Variants in GTF3C3 observed in about 807,000 individuals in gnomAD.
GTF3C3 encodes the protein general transcription factor 3C polypeptide 3.
GTF3C3 carries 75 observed loss-of-function variants against 105.2 expected under a neutral mutation model. That is an observed-to-expected ratio of 0.71 (90% CI 0.59 to 0.86). The LOEUF (loss-of-function observed/expected upper bound fraction) is 0.86, where lower values mean the gene tolerates loss of function less well. Among genes scored for constraint, GTF3C3 ranks in the 40% least tolerant of loss-of-function variants. The pLI, the probability that GTF3C3 is intolerant of heterozygous loss-of-function variation, is 0.00. For synonymous variants in GTF3C3, 335 were observed against 370.4 expected, an observed-to-expected ratio of 0.90 and a Z score of 1.10; for missense variants, 856 against 1,076.5, an observed-to-expected ratio of 0.80 and a Z score of 2.87.
chr2:196,769,278 TTTTC>T (rs1375571380), intron 16 of GTF3C3, among the ~76,000 whole-genome samples: 1 of 152,174 alleles, frequency 6.6e-6, no homozygotes, highest in Non-Finnish European at 1.5e-5. Flanking sequence ...CAAGTCAACA[TTTTC>T]TTTCTTTTCT....
In GTF3C3 at chr2:196,778,929, A is replaced by T. The variant is rs1377635087; in HGVS notation, c.1357T>A (p.Tyr453Asn). The change falls in exon 10 of 18, where the codon TAC becomes AAC. Residue 453 changes from tyrosine (Y) to asparagine (N), a missense_variant. This residue lies in a region of GTF3C3 where 605 missense variants were observed against 833.6 expected (regional missense o/e 0.73). Transcript: ENST00000263956. ...CGAAGCCAAACTACTGCAAGGTTGTATCTTTCAGAGCAAACAAGAGCACTG... is the reference window on the plus strand; with the variant it reads ...CGAAGCCAAACTACTGCAAGGTTGTTTCTTTCAGAGCAAACAAGAGCACTG... ...LLSALVCSER[Y>N]NLAVVWLRHA... 5.6e-6 allele frequency: 9 copies of T among 1,614,108 alleles called. No homozygotes were observed. Among genetic ancestry groups the T allele is most frequent in the Non-Finnish European group, 7.6e-6 (9 of 1,179,956 alleles).
chr2:196,797,452 A>G (rs1351663193), intron 2 of GTF3C3, among the ~76,000 whole-genome samples: 1 of 152,226 alleles, frequency 6.6e-6, no homozygotes, highest in African/African-American at 2.4e-5. Flanking sequence ...GCCACTTTAT[A>G]TCGAAGTGTA....
At chr2:196,766,521 A>AGAC in intron 17 of GTF3C3, 44 bp downstream of exon 17, 1 of 1,504,978 alleles carries the variant, frequency 6.6e-7, no homozygotes, top group Non-Finnish European at 9.1e-7. Flanking sequence ...CCTTATCTAC[A>AGAC]GACAGATGAA....
Position 196,763,432 on chromosome 2 carries a change from A to AAATT in GTF3C3, c.*1127_*1130dup, listed in dbSNP as rs1167931460. On this transcript the variant is annotated 3_prime_UTR_variant, in exon 18 of 18. Transcript: ENST00000263956. ...ATTACCTATAAATGGCATAAAGTAA[A>AAATT]AATTAAGCATGTGAAACAGTTAACC... The AAATT allele has an allele frequency of 1.3e-5, 2 of 152,222 alleles. No individual in the cohort carries two copies. Among genetic ancestry groups the AAATT allele is most frequent in the Admixed American group, 6.5e-5 (1 of 15,284 alleles). The allele number at this position is 152,222 out of a possible 1,614,324, so 9.4% of individuals were successfully genotyped here.
chr2:196,774,679 A>G (rs571469832), intron 13 of GTF3C3, among the ~76,000 whole-genome samples: 3 of 152,358 alleles, frequency 2.0e-5, no homozygotes, highest in Non-Finnish European at 2.9e-5. Flanking sequence ...GTAGTCTTTT[A>G]AAGTTATATT....
Position 196,764,510 on chromosome 2 carries a change from G to T in GTF3C3, c.*53C>A. ...ACAAATAATAAGCCCTGAGACAGAAGACACTGGTCCTCACACAGCAGCTGC... is the reference window on the plus strand; with the variant it reads ...ACAAATAATAAGCCCTGAGACAGAATACACTGGTCCTCACACAGCAGCTGC... On this transcript the variant is annotated 3_prime_UTR_variant, in exon 18 of 18. Transcript: ENST00000263956. The T allele has an allele frequency of 6.6e-7, 1 of 1,517,252 alleles. No homozygotes were observed. The highest frequency in any genetic ancestry group is 1.3e-5 in the South Asian group (1 of 76,090). The allele number at this position is 1,517,252 out of a possible 1,614,324, so 94.0% of individuals were successfully genotyped here.
At chr2:196,766,973 T>G (rs985431668) in intron 16 of GTF3C3, 1 of 281,142 alleles carries the variant, frequency 3.6e-6, no homozygotes, top group Non-Finnish European at 6.6e-6. Context: ...TTACCAGAGA[T>G]TCATAATCTA....
In GTF3C3 at chr2:196,773,063, C is replaced by T. The variant is rs371296396; in HGVS notation, c.1922G>A (p.Arg641Gln). The T allele has an allele frequency of 5.6e-6, 9 of 1,612,796 alleles. No homozygotes were observed. The highest frequency in any genetic ancestry group is 1.1e-5 in the South Asian group (1 of 91,006). ...TACAAGCAACTCAGCCTCTTGAAAT[C>T]GGGATAGGTCACATAAGGAGTATAT... is the stretch of plus-strand genomic sequence containing the variant. ...KAIYSLCDLS[R>Q]FQEAELLVDS... The change falls in exon 14 of 18, where the codon CGA (arginine) becomes CAA (glutamine). Residue 641 changes from arginine to glutamine, a missense_variant. This residue lies in a region of GTF3C3 where 605 missense variants were observed against 833.6 expected (regional missense o/e 0.73). Coordinates refer to ENST00000263956, the MANE Select transcript of GTF3C3 (RefSeq NM_012086.5).
chr2:196,789,089 T>C (rs1281431709), intron 6 of GTF3C3, 115 bp downstream of exon 6: 1 of 869,598 alleles, frequency 1.1e-6, no homozygotes, highest in African/African-American at 1.7e-5. Flanking sequence ...ATAAAACACA[T>C]AAGGCAAAAC....
In GTF3C3 at chr2:196,799,652, G is replaced by A. The variant is rs761684822; in HGVS notation, c.-41C>T. 2 of 1,442,272 alleles carry A rather than the reference G, an allele frequency of 1.4e-6. No homozygotes were observed. The highest frequency in any genetic ancestry group is 1.7e-5 in the Admixed American group (1 of 59,404). The allele number at this position is 1,442,272 out of a possible 1,614,324, so 89.3% of individuals were successfully genotyped here. The stretch of plus-strand genomic sequence containing the variant: ...CTGTGCAACCCCAGGAACCGGGACA[G>A]AGAACCGGAAGAGCAGCGCCTTCCA... On this transcript the variant is annotated 5_prime_UTR_variant, in exon 1 of 18. Transcript: ENST00000263956.
At chr2:196,794,714 C>A (rs536627573) in intron 2 of GTF3C3, among the ~76,000 whole-genome samples, 1 of 151,200 alleles carries the variant, frequency 6.6e-6, no homozygotes, top group African/African-American at 2.4e-5. Flanking sequence ...GGATTACAGG[C>A]GTGAGCCACT....
At chr2:196,778,601 G>A (rs1699295546) in intron 10 of GTF3C3, 1 of 317,104 alleles carries the variant, frequency 3.2e-6, no homozygotes, top group Non-Finnish European at 5.8e-6. Flanking sequence ...CCCCAAGTCT[G>A]ACAATCCTTT....
intron 8 of GTF3C3, among the ~76,000 whole-genome samples, chr2:196,781,342 G>GA (rs769914255): frequency 0.011 from 352 of 31,438 alleles, 9 homozygotes; most frequent in East Asian, 0.048. Context: ...ATGTTAAGGG[G>GA]AAAAAAAAAA....
intron 17 of GTF3C3, among the ~76,000 whole-genome samples, chr2:196,765,941 C>T (rs951728312): frequency 8.1e-5 from 11 of 136,246 alleles, no homozygotes; most frequent in East Asian, 2.4e-4. Flanking sequence ...ACCCGGGAGG[C>T]GGAGCTTGCA....
rs1670923442 is a variant in GTF3C3, at chr2:196,785,581, A to C, written c.901T>G (p.Tyr301Asp). The change falls in exon 7 of 18, where the codon TAT becomes GAT. Residue 301 changes from tyrosine (Y) to aspartate (D), a missense_variant. Physicochemically the swap from Tyr to Asp is radical, Grantham distance 160. This residue lies in a region of GTF3C3 where 605 missense variants were observed against 833.6 expected (regional missense o/e 0.73). Coordinates refer to ENST00000263956, the MANE Select transcript of GTF3C3 (RefSeq NM_012086.5). ...QLARDMAKSYYEANDVTSAIN... is the reference protein window; with the variant it reads ...QLARDMAKSYDEANDVTSAIN... ...GCAGAAGTAACATCATTGGCTTCAT[A>C]GTAACTCCTAAAAAAAAGTGGCAAA... 6.3e-7 allele frequency: 1 copy of C among 1,596,710 alleles called. No individual in the cohort carries two copies. The highest frequency in any genetic ancestry group is 8.5e-7 in the Non-Finnish European group (1 of 1,169,604).
rs1481753617 is a variant in GTF3C3, at chr2:196,771,686, C to T, written c.2260+62G>A. The T allele has an allele frequency of 2.6e-6, 3 of 1,142,924 alleles. No individual in the cohort carries two copies. In the East Asian group the frequency reaches 7.1e-5, roughly 27 times the overall value. The allele number at this position is 1,142,924 out of a possible 1,614,324, so 70.8% of individuals were successfully genotyped here. ...ATAATTAACCCAGACAGTTCCAATC[C>T]AGAGGCTAGGCTCTTCACCACACTA... On this transcript the variant is annotated intron_variant, in intron 15 of 17. Coordinates refer to ENST00000263956, the MANE Select transcript of GTF3C3 (RefSeq NM_012086.5).
In GTF3C3 at chr2:196,797,964, C is replaced by T. The variant is rs575750304; in HGVS notation, c.103-56G>A. On this transcript the variant is annotated intron_variant, in intron 1 of 17. Coordinates refer to ENST00000263956, the MANE Select transcript of GTF3C3 (RefSeq NM_012086.5). ...AAAATAATGCAGACTTAGCTCTCCC[C>T]AGCCACAGAGTATCTGGTTCTAGTC... 2.2e-5 allele frequency: 22 copies of T among 997,550 alleles called. No homozygotes were observed. The African/African-American group carries it at 2.7e-4, about 12-fold the overall frequency. 61.8% of individuals were successfully genotyped at this position (997,550 alleles called of 1,614,324 possible).
intron 8 of GTF3C3, among the ~76,000 whole-genome samples, chr2:196,781,151 G>T (rs1699342784): frequency 6.6e-6 from 1 of 151,264 alleles, no homozygotes; most frequent in Non-Finnish European, 1.5e-5. Flanking sequence ...AAGTTTACAT[G>T]TTTTCGTTTC....
intron 2 of GTF3C3, among the ~76,000 whole-genome samples, chr2:196,795,378 A>G (rs1189322541): frequency 6.6e-6 from 1 of 152,248 alleles, no homozygotes; most frequent in Non-Finnish European, 1.5e-5. Context: ...TATGTGAAAT[A>G]CTTCAAATGA....
Sources: gnomAD v4.1 joint callset for allele counts (sites outside exome capture counted in the v4.1 genomes callset) on GRCh38, gnomAD v4.1.1 for gene constraint, gnomAD v4.1.1 regional missense constraint, MANE v1.5 for transcripts, NCBI Gene and HGNC (gene_info 2026-07-23, HGNC 2026-07-21) for gene names.